Variants in CACNA1D observed in about 807,000 individuals in gnomAD.
The protein encoded by CACNA1D is voltage-dependent L-type calcium channel subunit alpha-1D.
In CACNA1D, 55 loss-of-function variants were observed where a neutral mutation model predicts 257.1. The ratio of observed to expected loss-of-function variants is 0.21; its 90% confidence interval spans 0.17 to 0.27. The LOEUF (loss-of-function observed/expected upper bound fraction) is 0.27. CACNA1D is among the 10% of genes least tolerant of loss of function. The pLI, the probability that CACNA1D is intolerant of heterozygous loss-of-function variation, is 1.00. For missense variants in CACNA1D, 1,876 were observed against 2,784.0 expected (o/e 0.67, Z 7.34); for synonymous variants, 980 against 1,014.9 (o/e 0.97, Z 0.65).
intron 8 of CACNA1D, among the ~76,000 whole-genome samples, chr3:53,682,365 T>TTAAAAAAAAAAAAAAAAAAAAAAAAA: frequency 2.1e-5 from 1 of 47,366 alleles, no homozygotes; most frequent in East Asian, 6.3e-4. Context: ...TTGTCTCTGG[T>TTAAAAAAAAAAAAAAAAAAAAAAAAA]AAAAAAAAAA....
At chr3:53,703,425 G>A (rs1345759805) in intron 9 of CACNA1D, among the ~76,000 whole-genome samples, 1 of 152,180 alleles carries the variant, frequency 6.6e-6, no homozygotes, top group Non-Finnish European at 1.5e-5. Context: ...CCTTCTGCAG[G>A]AGGCAAGGCC....
intron 3 of CACNA1D, among the ~76,000 whole-genome samples, chr3:53,603,350 G>A (rs568885607): frequency 1.3e-5 from 2 of 152,124 alleles, no homozygotes; most frequent in Non-Finnish European, 2.9e-5. Context: ...ATCGCACCTC[G>A]GATATTAACT....
At position 53,495,250 on chromosome 3, in the gene CACNA1D, C is replaced by A; in HGVS notation, c.67+17C>A. 6.2e-7 allele frequency: 1 copy of A among 1,613,340 alleles called. No individual in the cohort carries two copies. Among genetic ancestry groups the A allele is most frequent in the Non-Finnish European group, 8.5e-7 (1 of 1,179,964 alleles). On this transcript the variant is annotated intron_variant, in intron 1 of 47. Coordinates refer to ENST00000350061, the MANE Select transcript of CACNA1D (RefSeq NM_001128840.3). This position sits in a 1 kb window ranked among gnomAD's most constrained non-coding sequence, Gnocchi z 5.1. ...ACGCGAACGGTGAGCAGCCAGAGCC[C>A]GGGCACCCGCTGCCAAATCCGATCC...
intron 35 of CACNA1D, 146 bp from the exon 36 acceptor site, chr3:53,776,457 A>G: frequency 1.0e-6 from 1 of 961,774 alleles, no homozygotes; most frequent in Middle Eastern, 2.4e-4. Flanking sequence ...TCTTTTCTTA[A>G]ACATTCTCCA....
intron 8 of CACNA1D, chr3:53,679,672 C>G (rs2094410801): frequency 6.6e-6 from 1 of 152,208 alleles, no homozygotes; most frequent in South Asian, 2.1e-4. Flanking sequence ...GATGATTAAG[C>G]TGACAGAATG....
At chr3:53,718,462 A>T in intron 10 of CACNA1D, 74 bp downstream of exon 10, 1 of 1,334,832 alleles carries the variant, frequency 7.5e-7, no homozygotes, top group Non-Finnish European at 1.1e-6. Flanking sequence ...AAGACCGCCC[A>T]GGCTGCAGCA....
At chr3:53,724,425 T>C (rs1322705278) in intron 14 of CACNA1D, among the ~76,000 whole-genome samples, 2 of 152,206 alleles carry the variant, frequency 1.3e-5, no homozygotes, top group African/African-American at 4.8e-5. Flanking sequence ...TGCTTTGGTG[T>C]GTAGTTGGAG....
chr3:53,804,948 C>T (rs775932689), intron 44 of CACNA1D, 35 bp from the exon 45 acceptor site: 4 of 1,606,588 alleles, frequency 2.5e-6, no homozygotes, highest in Non-Finnish European at 3.4e-6. Context: ...GAGCTTGTTA[C>T]CTAGAACCTT....
intron 40 of CACNA1D, chr3:53,791,260 G>T (rs564829953): frequency 1.9e-6 from 1 of 529,172 alleles, no homozygotes; most frequent in Non-Finnish European, 3.4e-6. Context: ...GTTCTTTTTC[G>T]TGAAAGGGAA....
intron 3 of CACNA1D, among the ~76,000 whole-genome samples, chr3:53,634,863 G>T (rs1453880599): frequency 6.6e-6 from 1 of 152,178 alleles, no homozygotes; most frequent in Non-Finnish European, 1.5e-5. Flanking sequence ...GCAGAACCAG[G>T]AATTGGACTG....
At chr3:53,693,978 T>C (rs2094551329) in intron 8 of CACNA1D, among the ~76,000 whole-genome samples, 1 of 152,232 alleles carries the variant, frequency 6.6e-6, no homozygotes, top group Non-Finnish European at 1.5e-5. Flanking sequence ...CCCATTTATT[T>C]TATGGGACGT....
chr3:53,520,474 A>G (rs2091508942), intron 3 of CACNA1D, among the ~76,000 whole-genome samples: 2 of 152,192 alleles, frequency 1.3e-5, no homozygotes, highest in African/African-American at 4.8e-5. Context: ...TTTTAAAATT[A>G]TTGGTTTGTG....
intron 30 of CACNA1D, among the ~76,000 whole-genome samples, chr3:53,767,058 T>C (rs547016106): frequency 1.3e-5 from 2 of 152,308 alleles, no homozygotes; most frequent in South Asian, 4.1e-4. Context: ...ATCCGTGTAC[T>C]GTTCCCTCGT....
At chr3:53,625,768 G>T (rs1274988938) in intron 3 of CACNA1D, among the ~76,000 whole-genome samples, 1 of 152,160 alleles carries the variant, frequency 6.6e-6, no homozygotes, top group Non-Finnish European at 1.5e-5. Flanking sequence ...TTACAGATAG[G>T]ACTTAATTTT....
intron 3 of CACNA1D, among the ~76,000 whole-genome samples, chr3:53,542,695 A>G (rs2092324482): frequency 1.3e-5 from 2 of 152,218 alleles, no homozygotes; most frequent in South Asian, 4.1e-4. Flanking sequence ...ACCAATAGAC[A>G]GGAAAGTAGT....
chr3:53,759,568 G>A (rs2095288210), intron 29 of CACNA1D, among the ~76,000 whole-genome samples: 1 of 152,238 alleles, frequency 6.6e-6, no homozygotes, highest in South Asian at 2.1e-4. Flanking sequence ...CCAAGTTTTT[G>A]ATCAAGGTGT....
intron 7 of CACNA1D, among the ~76,000 whole-genome samples, chr3:53,670,840 G>C (rs545250107): frequency 1.3e-5 from 2 of 152,260 alleles, no homozygotes; most frequent in African/African-American, 4.8e-5. Context: ...CTATTTTCAC[G>C]TGGGTATTTT....
intron 7 of CACNA1D, among the ~76,000 whole-genome samples, chr3:53,667,444 A>G (rs1235279640): frequency 6.6e-6 from 1 of 152,234 alleles, no homozygotes; most frequent in Non-Finnish European, 1.5e-5. Context: ...AAAGGGGAGT[A>G]ACCAGGATTC....
intron 9 of CACNA1D, among the ~76,000 whole-genome samples, chr3:53,714,482 G>A (rs1259431042): frequency 2.0e-5 from 3 of 152,188 alleles, no homozygotes; most frequent in South Asian, 2.1e-4. Context: ...AAGCCCAGTC[G>A]TCACCATTGC....
Sources: gnomAD v4.1 joint callset for allele counts (sites outside exome capture counted in the v4.1 genomes callset) on GRCh38, gnomAD v4.1.1 for gene constraint, Gnocchi (gnomAD v3.1) non-coding constraint, MANE v1.5 for transcripts, NCBI Gene and HGNC (gene_info 2026-07-23, HGNC 2026-07-21) for gene names.